LTBP1: variants seen among roughly 807,000 people sequenced by gnomAD.
LTBP1 encodes latent-transforming growth factor beta-binding protein 1.
A neutral mutation model predicts 207.6 loss-of-function variants in LTBP1; 129 were observed. The ratio of observed to expected loss-of-function variants is 0.62; its 90% CI spans 0.54 to 0.72. LTBP1 has a LOEUF of 0.72. Ranked by LOEUF, LTBP1 falls within the 30% of genes least tolerant of loss-of-function variation. The pLI is 0.00. For missense variants in LTBP1, 2,281 were observed against 2,217.2 expected, an observed-to-expected ratio of 1.03 and a Z score of -0.58; for synonymous variants, 963 against 833.7, an observed-to-expected ratio of 1.16 and a Z score of -2.67.
At chr2:33,207,779 A>T (rs376999669) in intron 7 of LTBP1, among the ~76,000 whole-genome samples, 1 of 152,236 alleles carries the variant, frequency 6.6e-6, no homozygotes, top group Non-Finnish European at 1.5e-5. Flanking sequence ...AAATAAGCAT[A>T]TTTAATGATC....
chr2:33,182,687 G>GAGATATATATATATATATATGTATATAT lies in LTBP1; in HGVS notation c.1202-4168_1202-4167insGATATATATATATATATATGTATATATA, dbSNP rs1469125010. The stretch of plus-strand genomic sequence containing the variant: ...AAAAAAAAAAAGAAGAAAAGATGGT[G>GAGATATATATATATATATATGTATATAT]ATATATATATATACACACACACACA... On this transcript the variant is annotated intron_variant, in intron 5 of 33. Coordinates refer to ENST00000404816, the MANE Select transcript of LTBP1 (RefSeq NM_206943.4). Among the ~76,000 whole-genome samples the GAGATATATATATATATATATGTATATAT allele has an allele frequency of 3.0e-5, 2 of 67,008 alleles. 1 individual carries two copies. Among genetic ancestry groups the GAGATATATATATATATATATGTATATAT allele is most frequent in the Non-Finnish European group, 6.4e-5 (2 of 31,292 alleles). 44.0% of individuals were successfully genotyped at this position (67,008 alleles called of 152,430 possible). A position where few individuals can be genotyped will look rare whatever the true frequency, so the allele number is the denominator to read the frequency against.
At chr2:33,343,893 G>A (rs2094665344) in intron 25 of LTBP1, among the ~76,000 whole-genome samples, 1 of 152,220 alleles carries the variant, frequency 6.6e-6, no homozygotes, top group Non-Finnish European at 1.5e-5. Context: ...AAATGGGAAA[G>A]AGAAGAAAGG....
chr2:33,379,350 C>T (rs1260879285), intron 31 of LTBP1, among the ~76,000 whole-genome samples: 1 of 152,058 alleles, frequency 6.6e-6, no homozygotes, highest in East Asian at 1.9e-4. Context: ...GCTGGGACTA[C>T]AGGTGCCTGC....
chr2:33,312,222 A>G (rs2094198079), intron 23 of LTBP1, among the ~76,000 whole-genome samples: 1 of 152,182 alleles, frequency 6.6e-6, no homozygotes, highest in Non-Finnish European at 1.5e-5. Flanking sequence ...AATTCTGAAA[A>G]TGTAATTGAT....
At chr2:32,985,907 G>T (rs559551095) in intron 2 of LTBP1, among the ~76,000 whole-genome samples, 175 of 152,056 alleles carry the variant, frequency 1.2e-3, no homozygotes, top group South Asian at 3.3e-3. Context: ...CTTCTGATTG[G>T]CTTCTTTCCT....
At chr2:33,319,133 C>G (rs2094316370) in intron 24 of LTBP1, among the ~76,000 whole-genome samples, 1 of 152,188 alleles carries the variant, frequency 6.6e-6, no homozygotes, top group South Asian at 2.1e-4. Context: ...CACAGTGGTT[C>G]ACGCCTGTAA....
chr2:33,228,697 C>CT (rs1244221993), intron 9 of LTBP1, among the ~76,000 whole-genome samples: 2,744 of 99,154 alleles, frequency 0.028, 136 homozygotes, highest in South Asian at 0.037. Flanking sequence ...GGGTTATACC[C>CT]TTTTTTTTTT....
chr2:33,118,127 C>T (rs1024477857), intron 4 of LTBP1, among the ~76,000 whole-genome samples: 5 of 151,164 alleles, frequency 3.3e-5, no homozygotes, highest in Non-Finnish European at 5.9e-5. Flanking sequence ...GAGAAGACTT[C>T]CAGAGAACAT....
intron 3 of LTBP1, among the ~76,000 whole-genome samples, chr2:33,086,014 C>T (rs142649205): frequency 2.0e-5 from 3 of 152,324 alleles, no homozygotes; most frequent in Non-Finnish European, 4.4e-5. Flanking sequence ...AACAGGTGGA[C>T]TGAACATCCA....
chr2:33,261,208 G>T (rs901842112), intron 13 of LTBP1, among the ~76,000 whole-genome samples: 1 of 152,164 alleles, frequency 6.6e-6, no homozygotes, highest in African/African-American at 2.4e-5. Context: ...TGTAGAAGTG[G>T]TGTAGATTAG....
chr2:32,968,950 C>T (rs189187165), intron 2 of LTBP1, among the ~76,000 whole-genome samples: 1 of 138,558 alleles, frequency 7.2e-6, no homozygotes. Flanking sequence ...GTGTCTCGCT[C>T]TGTCACCCAG....
intron 25 of LTBP1, among the ~76,000 whole-genome samples, chr2:33,343,989 G>A (rs778532842): frequency 6.6e-6 from 1 of 152,166 alleles, no homozygotes; most frequent in African/African-American, 2.4e-5. Flanking sequence ...TACATGGCAG[G>A]TGGAACTTGA....
At chr2:33,257,766 T>TAAGA (rs2092903897) in intron 12 of LTBP1, among the ~76,000 whole-genome samples, 2 of 152,242 alleles carry the variant, frequency 1.3e-5, no homozygotes, top group Admixed American at 1.3e-4. Flanking sequence ...GGGGGCTGCT[T>TAAGA]TATCTTGGCG....
chr2:33,203,743 C>A (rs2149142676), intron 7 of LTBP1, among the ~76,000 whole-genome samples: 1 of 152,200 alleles, frequency 6.6e-6, no homozygotes, highest in South Asian at 2.1e-4. Flanking sequence ...TAATTAGACT[C>A]CTGTTCCTAC....
intron 26 of LTBP1, among the ~76,000 whole-genome samples, chr2:33,359,891 A>G (rs899183951): frequency 3.9e-5 from 6 of 152,168 alleles, no homozygotes; most frequent in African/African-American, 1.4e-4. Context: ...ATTCTTTCAT[A>G]TCGCCTTGTT....
intron 5 of LTBP1, among the ~76,000 whole-genome samples, chr2:33,181,025 G>T (rs549059463): frequency 6.6e-6 from 1 of 152,152 alleles, no homozygotes. Flanking sequence ...ACAGATACGG[G>T]TTTTCCTTCA....
At chr2:33,205,748 AC>A (rs570986469) in intron 7 of LTBP1, among the ~76,000 whole-genome samples, 83 of 152,214 alleles carry the variant, frequency 5.5e-4, no homozygotes, top group African/African-American at 2.0e-3. Flanking sequence ...GAAGCCCCAA[AC>A]CCCAATGCAG....
At chr2:33,370,766 C>G (rs930168552) in intron 31 of LTBP1, among the ~76,000 whole-genome samples, 2 of 152,158 alleles carry the variant, frequency 1.3e-5, no homozygotes, top group Non-Finnish European at 2.9e-5. Context: ...ATCATGCATC[C>G]CATTTTCCTT....
chr2:33,275,684 C>G, intron 17 of LTBP1, 117 bp from the exon 18 acceptor site: 1 of 1,071,234 alleles, frequency 9.3e-7, no homozygotes, highest in Non-Finnish European at 1.3e-6. Context: ...AACTCCATCT[C>G]AAAAAAAAAA....
Sources: allele counts gnomAD v4.1 joint callset (sites outside exome capture counted in the v4.1 genomes callset), GRCh38; gene constraint gnomAD v4.1.1; transcripts MANE v1.5; gene names NCBI Gene and HGNC (gene_info 2026-07-23, HGNC 2026-07-21).